BTBD9: variants seen among roughly 807,000 people sequenced by gnomAD.
BTBD9 encodes BTB/POZ domain-containing protein 9.
In BTBD9, 49 loss-of-function variants were observed where a neutral mutation model predicts 64.3. The observed-to-expected ratio is 0.76, with a 90% CI of 0.61 to 0.97. BTBD9 has a LOEUF of 0.97. Ranked by LOEUF, BTBD9 falls within the 50% of genes least tolerant of loss-of-function variation. BTBD9 has a pLI of 0.00. For synonymous variants in BTBD9, 260 were observed against 274.7 expected (o/e 0.95, Z 0.53); for missense variants, 598 against 762.1 (o/e 0.78, Z 2.53).
chr6:38,270,611 C>T (rs923581837), intron 8 of BTBD9, among the ~76,000 whole-genome samples: 5 of 152,094 alleles, frequency 3.3e-5, no homozygotes, highest in East Asian at 3.8e-4. Flanking sequence ...ACCTCCAAGG[C>T]GCTGGTGCTG....
intron 10 of BTBD9, among the ~76,000 whole-genome samples, chr6:38,175,937 G>A (rs933641888): frequency 3.3e-5 from 5 of 152,354 alleles, no homozygotes; most frequent in African/African-American, 9.6e-5. Flanking sequence ...CCACCTGGCC[G>A]ACAGTCACCC....
chr6:38,214,548 G>A lies in BTBD9; in HGVS notation c.1563-21951C>T, dbSNP rs116822754. 7.5e-3 allele frequency among the ~76,000 whole-genome samples: 1,140 copies of A among 152,322 alleles called. 17 individuals carry two copies. Among genetic ancestry groups the A allele is most frequent in the African/African-American group, 0.024 (977 of 41,566 alleles). ...GAGGCTAAAGGTGTGACAGGGCAGG[G>A]AGAGTCTGCAGGTCACTTTAGTTGG... On this transcript the variant is annotated intron_variant, in intron 9 of 10. Coordinates refer to ENST00000481247, the MANE Select transcript of BTBD9 (RefSeq NM_001099272.2).
chr6:38,408,792 C>T (rs76621104), intron 6 of BTBD9, among the ~76,000 whole-genome samples: 5,025 of 152,186 alleles, frequency 0.033, 164 homozygotes, highest in East Asian at 0.11. Flanking sequence ...CCTCTTTGTC[C>T]GAAAAACTAA....
chr6:38,299,026 T>A (rs1265427559), intron 7 of BTBD9, among the ~76,000 whole-genome samples: 1 of 151,926 alleles, frequency 6.6e-6, no homozygotes, highest in Non-Finnish European at 1.5e-5. Context: ...CCCACAACAA[T>A]CCCCAGTGTG....
chr6:38,608,111 T>C (rs1482796642), intron 1 of BTBD9, among the ~76,000 whole-genome samples: 1 of 152,168 alleles, frequency 6.6e-6, no homozygotes, highest in African/African-American at 2.4e-5. Flanking sequence ...CTCAGTCTCT[T>C]ACTTCTCATT....
chr6:38,370,655 G>T (rs1344437603), intron 6 of BTBD9, among the ~76,000 whole-genome samples: 1 of 100,000 alleles, frequency 1.0e-5, no homozygotes, highest in African/African-American at 2.7e-5. Flanking sequence ...ATTCAACCTT[G>T]TAAGTGTCAT....
At position 38,351,433 on chromosome 6, in the gene BTBD9, G is replaced by A. The variant is rs77502031; in HGVS notation, c.1155-6340C>T. Among the ~76,000 whole-genome samples the A allele has an allele frequency of 4.0e-3, 607 of 151,800 alleles. 3 individuals are homozygous for A. The highest frequency in any genetic ancestry group is 0.014 in the African/African-American group (586 of 41,424). ...CTATATAGAATCAATTATATGGAAG[G>A]GATGAGATAGGTAGAAATAATTACT... On this transcript the variant is annotated intron_variant, in intron 6 of 10. Coordinates refer to ENST00000481247, the MANE Select transcript of BTBD9 (RefSeq NM_001099272.2).
At chr6:38,531,230 T>C (rs1773785166) in intron 6 of BTBD9, among the ~76,000 whole-genome samples, 2 of 152,094 alleles carry the variant, frequency 1.3e-5, no homozygotes, top group South Asian at 2.1e-4. Context: ...GGAGTTCCAA[T>C]AGGTCTGGCA....
intron 7 of BTBD9, among the ~76,000 whole-genome samples, chr6:38,325,621 C>T (rs1255353608): frequency 2.6e-5 from 4 of 152,102 alleles, no homozygotes; most frequent in Admixed American, 6.5e-5. Context: ...GGAGGTGGAG[C>T]TTGCAGTGAG....
chr6:38,475,016 C>T (rs1180718287), intron 6 of BTBD9, among the ~76,000 whole-genome samples: 1 of 151,990 alleles, frequency 6.6e-6, no homozygotes, highest in African/African-American at 2.4e-5. Context: ...ATTATGGTAC[C>T]TCTATATAAT....
At chr6:38,362,836 T>C (rs1765017832) in intron 6 of BTBD9, among the ~76,000 whole-genome samples, 1 of 152,162 alleles carries the variant, frequency 6.6e-6, no homozygotes, top group Admixed American at 6.5e-5. Flanking sequence ...CATGATATGA[T>C]GGCAGAGTTG....
intron 6 of BTBD9, among the ~76,000 whole-genome samples, chr6:38,499,144 C>CAA (rs758511920): frequency 2.7e-4 from 39 of 142,336 alleles, no homozygotes; most frequent in East Asian, 1.2e-3. Context: ...AGCAATACAC[C>CAA]AAAAAAAAAA....
intron 6 of BTBD9, among the ~76,000 whole-genome samples, chr6:38,561,949 GAGAA>G (rs1775283331): frequency 1.3e-5 from 2 of 152,244 alleles, no homozygotes; most frequent in East Asian, 1.9e-4. Flanking sequence ...ATTAGAGAGA[GAGAA>G]AGAGAGAGCA....
intron 6 of BTBD9, among the ~76,000 whole-genome samples, chr6:38,461,093 G>A (rs1468507790): frequency 6.6e-6 from 1 of 152,210 alleles, no homozygotes; most frequent in Non-Finnish European, 1.5e-5. Flanking sequence ...TAAAGGGAAT[G>A]GCACAGTAAG....
intron 9 of BTBD9, among the ~76,000 whole-genome samples, chr6:38,199,940 G>A (rs779219614): frequency 5.3e-5 from 8 of 152,326 alleles, no homozygotes; most frequent in East Asian, 1.9e-4. Flanking sequence ...TACCATCCTC[G>A]AGGCTTGGGG....
chr6:38,592,701 A>G lies in BTBD9; in HGVS notation c.689T>C (p.Met230Thr). The G allele has an allele frequency of 6.2e-7, 1 of 1,614,200 alleles. No individual in the cohort carries two copies. Among genetic ancestry groups the G allele is most frequent in the Non-Finnish European group, 8.5e-7 (1 of 1,180,024 alleles). ...AACATTCAGAAGCTCTGTGAGGCTCATGAGAGGTAAACGCACAGCCTGCAT... is the reference window on the plus strand; with the variant it reads ...AACATTCAGAAGCTCTGTGAGGCTCGTGAGAGGTAAACGCACAGCCTGCAT... ...EIMQAVRLPLMSLTELLNVVR... is the reference protein window; with the variant it reads ...EIMQAVRLPLTSLTELLNVVR... The change falls in exon 4 of 11, where the codon ATG (methionine) becomes ACG (threonine). Residue 230 changes from methionine (M) to threonine (T), a missense_variant. Met to Thr is a moderately conservative substitution (Grantham distance 81). Coordinates refer to ENST00000481247, the MANE Select transcript of BTBD9 (RefSeq NM_001099272.2).
chr6:38,435,200 T>TG (rs1225954902), intron 6 of BTBD9, among the ~76,000 whole-genome samples: 2 of 36,370 alleles, frequency 5.5e-5, no homozygotes, highest in South Asian at 1.0e-3. Context: ...TCTCGGGGGG[T>TG]GGGGGGGAAG....
chr6:38,260,796 A>G (rs1764762458), intron 8 of BTBD9, among the ~76,000 whole-genome samples: 2 of 152,212 alleles, frequency 1.3e-5, no homozygotes, highest in African/African-American at 4.8e-5. Flanking sequence ...TCTATTATGA[A>G]TATCTTTTTG....
intron 6 of BTBD9, among the ~76,000 whole-genome samples, chr6:38,463,191 A>G (rs1770183917): frequency 6.6e-6 from 1 of 152,254 alleles, no homozygotes; most frequent in African/African-American, 2.4e-5. Context: ...GATTGTGGAT[A>G]GCATAGAGAA....
Sources: allele counts gnomAD v4.1 joint callset (sites outside exome capture counted in the v4.1 genomes callset), GRCh38; gene constraint gnomAD v4.1.1; transcripts MANE v1.5; gene names NCBI Gene and HGNC (gene_info 2026-07-23, HGNC 2026-07-21).